The following SCFD2 variants were observed in gnomAD, a reference collection of about 807,000 sequenced individuals.
The protein encoded by SCFD2 is sec1 family domain-containing protein 2.
In SCFD2, 54 loss-of-function variants were observed where a neutral mutation model predicts 58.9. The observed-to-expected ratio is 0.92, with a 90% CI of 0.74 to 1.15. The LOEUF is 1.15. Among genes scored for constraint, SCFD2 ranks in the 50% most tolerant of loss-of-function variants. The pLI is 0.00. For missense variants in SCFD2, 805 were observed against 836.6 expected (o/e 0.96, Z 0.47); for synonymous variants, 321 against 335.9 (o/e 0.96, Z 0.49).
chr4:53,162,829 C>A (rs1726894362), intron 4 of SCFD2, among the ~76,000 whole-genome samples: 2 of 150,094 alleles, frequency 1.3e-5, no homozygotes. Flanking sequence ...CGCACATGTA[C>A]CCTAAAACTT....
chr4:53,070,670 C>A (rs549666231), intron 5 of SCFD2, among the ~76,000 whole-genome samples: 49 of 152,090 alleles, frequency 3.2e-4, no homozygotes, highest in African/African-American at 1.2e-3. Flanking sequence ...TACTGGTTGG[C>A]TGATTATGTC....
rs369032348 is a variant in SCFD2, at chr4:53,341,974, G to C, written c.1007+10624C>G. 6.1e-4 allele frequency among the ~76,000 whole-genome samples: 93 copies of C among 152,172 alleles called. 6 individuals carry two copies. In the East Asian group the frequency reaches 0.017, roughly 27 times the overall value. Reference sequence around the variant, plus strand: ...TGAAAGAAGCACTAAACATGGAAAGGAACAACCGGTACCAGCCACTGCAGA... The same window carrying C: ...TGAAAGAAGCACTAAACATGGAAAGCAACAACCGGTACCAGCCACTGCAGA... On this transcript the variant is annotated intron_variant, in intron 2 of 8. Coordinates refer to ENST00000401642, the MANE Select transcript of SCFD2 (RefSeq NM_152540.4).
At chr4:52,905,414 T>C (rs895707911) in intron 7 of SCFD2, among the ~76,000 whole-genome samples, 1 of 152,204 alleles carries the variant, frequency 6.6e-6, no homozygotes, top group Non-Finnish European at 1.5e-5. Context: ...TGGCTCTCCT[T>C]TGGGGGCTGG....
intron 5 of SCFD2, among the ~76,000 whole-genome samples, chr4:52,983,994 C>T (rs1380121541): frequency 2.6e-5 from 4 of 152,138 alleles, no homozygotes; most frequent in African/African-American, 9.7e-5. Flanking sequence ...ATATTGACTC[C>T]CACATAGTTT....
chr4:53,261,303 G>C, intron 4 of SCFD2, among the ~76,000 whole-genome samples: 1 of 152,128 alleles, frequency 6.6e-6, no homozygotes, highest in Middle Eastern at 3.4e-3. Flanking sequence ...TGCTTCTGTA[G>C]TTTCTTGAGA....
At chr4:53,050,961 C>T (rs951700321) in intron 5 of SCFD2, among the ~76,000 whole-genome samples, 3 of 152,180 alleles carry the variant, frequency 2.0e-5, no homozygotes, top group Non-Finnish European at 2.9e-5. Flanking sequence ...TAGGTCAGAT[C>T]TCCTGGTAGG....
At chr4:53,353,235 C>G (rs946028219) in intron 1 of SCFD2, among the ~76,000 whole-genome samples, 16 of 152,126 alleles carry the variant, frequency 1.1e-4, no homozygotes, top group Admixed American at 7.2e-4. Flanking sequence ...AGTGTTACAG[C>G]TCTTAAGGCA....
chr4:53,006,229 C>T (rs2148803623), intron 5 of SCFD2, among the ~76,000 whole-genome samples: 1 of 152,306 alleles, frequency 6.6e-6, no homozygotes, highest in Middle Eastern at 3.4e-3. Flanking sequence ...ACTGTGCCTT[C>T]TGGACTCATG....
At chr4:53,254,955 C>T (rs970886890) in intron 4 of SCFD2, among the ~76,000 whole-genome samples, 2 of 150,652 alleles carry the variant, frequency 1.3e-5, no homozygotes, top group Admixed American at 6.6e-5. Context: ...TCACTGCAAG[C>T]TCCGCCTCCT....
At chr4:53,207,475 A>AACTCAACATTAGAAACTGTTAATTAGT in intron 4 of SCFD2, among the ~76,000 whole-genome samples, 1 of 62,192 alleles carries the variant, frequency 1.6e-5, no homozygotes, top group South Asian at 5.3e-4. Context: ...GTAGTTTGAA[A>AACTCAACATTAGAAACTGTTAATTAGT]TATATTATAT....
chr4:53,248,461 C>G (rs1290591006), intron 4 of SCFD2, among the ~76,000 whole-genome samples: 1 of 152,244 alleles, frequency 6.6e-6, no homozygotes, highest in Non-Finnish European at 1.5e-5. Flanking sequence ...GGCTCCACCT[C>G]TAGGGGCAGG....
chr4:53,140,537 T>C (rs917847559), intron 5 of SCFD2, among the ~76,000 whole-genome samples: 1 of 151,756 alleles, frequency 6.6e-6, no homozygotes, highest in African/African-American at 2.4e-5. Flanking sequence ...ATACTTTAAT[T>C]TCTTTATAAC....
At chr4:52,922,365 C>A (rs572299699) in intron 5 of SCFD2, among the ~76,000 whole-genome samples, 1 of 152,064 alleles carries the variant, frequency 6.6e-6, no homozygotes, top group South Asian at 2.1e-4. Flanking sequence ...CCCCCTCCAG[C>A]CCCTGGCAAT....
intron 5 of SCFD2, among the ~76,000 whole-genome samples, chr4:52,928,210 C>T (rs373736603): frequency 2.0e-5 from 3 of 152,028 alleles, no homozygotes; most frequent in Non-Finnish European, 4.4e-5. Context: ...GTGGTGCATA[C>T]CTGTAGTCTC....
chr4:53,308,512 CTT>C (rs1177867023), intron 3 of SCFD2, among the ~76,000 whole-genome samples: 1 of 152,134 alleles, frequency 6.6e-6, no homozygotes, highest in South Asian at 2.1e-4. Context: ...TTCTCTCTCT[CTT>C]ATACACACAT....
intron 1 of SCFD2, among the ~76,000 whole-genome samples, chr4:53,353,263 C>T (rs1734288954): frequency 1.3e-5 from 2 of 151,982 alleles, no homozygotes; most frequent in South Asian, 4.2e-4. Flanking sequence ...TGGAGTTGTT[C>T]GTTCCTCTCC....
At chr4:53,098,734 G>A (rs1425494245) in intron 5 of SCFD2, among the ~76,000 whole-genome samples, 1 of 151,828 alleles carries the variant, frequency 6.6e-6, no homozygotes, top group Non-Finnish European at 1.5e-5. Flanking sequence ...CTACATGCAT[G>A]TGTGTGTGCA....
At chr4:53,310,122 G>A (rs17082570) in intron 3 of SCFD2, among the ~76,000 whole-genome samples, 2,111 of 152,218 alleles carry the variant, frequency 0.014, 64 homozygotes, top group African/African-American at 0.048. Context: ...GATGGTGACT[G>A]GCAAAAATGT....
chr4:53,236,199 G>A (rs899103543), intron 4 of SCFD2, among the ~76,000 whole-genome samples: 3 of 151,982 alleles, frequency 2.0e-5, no homozygotes, highest in South Asian at 2.1e-4. Context: ...AAATAGAGAC[G>A]GGCCTAGCCT....
Sources: gnomAD v4.1 joint callset for allele counts (sites outside exome capture counted in the v4.1 genomes callset) on GRCh38, gnomAD v4.1.1 for gene constraint, MANE v1.5 for transcripts, NCBI Gene and HGNC (gene_info 2026-07-23, HGNC 2026-07-21) for gene names.